POLB: variants seen among roughly 807,000 people sequenced by gnomAD.
POLB encodes the protein 5'-dRP lyase.
Under a neutral mutation model 52.7 loss-of-function variants are expected in POLB, and 37 were observed. That is an observed-to-expected ratio of 0.70 (90% CI 0.54 to 0.92). The LOEUF is 0.92. Ranked by LOEUF, POLB falls within the 40% of genes least tolerant of loss-of-function variation. The probability of loss-of-function intolerance (pLI) is 0.00; values close to 1 mark genes in which losing one functional copy is unlikely to be tolerated. For synonymous variants in POLB, 138 were observed against 131.3 expected, an observed-to-expected ratio of 1.05 and a Z score of -0.35; for missense variants, 313 against 400.8, an observed-to-expected ratio of 0.78 and a Z score of 1.87.
chr8:42,342,350 C>T, intron 2 of POLB: 1 of 1,505,782 alleles, frequency 6.6e-7, no homozygotes, highest in East Asian at 2.3e-5. Context: ...TATGTTGCAG[C>T]ATAATTTGTC....
intron 5 of POLB, among the ~76,000 whole-genome samples, chr8:42,352,205 A>G (rs1823014355): frequency 6.6e-6 from 1 of 152,232 alleles, no homozygotes; most frequent in Non-Finnish European, 1.5e-5. Context: ...CACCCAGGAA[A>G]GTATCTGACA....
intron 6 of POLB, among the ~76,000 whole-genome samples, chr8:42,354,783 C>G (rs750746393): frequency 1.3e-5 from 2 of 151,810 alleles, no homozygotes; most frequent in Non-Finnish European, 2.9e-5. Context: ...ACCTCATGAT[C>G]CTCCCACCTC....
chr8:42,365,113 A>G (rs139823602), intron 11 of POLB, among the ~76,000 whole-genome samples: 26 of 152,274 alleles, frequency 1.7e-4, no homozygotes, highest in Non-Finnish European at 3.2e-4. Flanking sequence ...ATAGATGGCC[A>G]ATAGATGGTA....
intron 10 of POLB, among the ~76,000 whole-genome samples, chr8:42,361,985 G>A (rs1038239305): frequency 4.6e-5 from 7 of 152,150 alleles, no homozygotes; most frequent in South Asian, 2.1e-4. Context: ...AGAGATGGCC[G>A]GGCACGGTGG....
intron 11 of POLB, among the ~76,000 whole-genome samples, chr8:42,364,804 G>A (rs1319754306): frequency 6.6e-6 from 1 of 152,196 alleles, no homozygotes; most frequent in Non-Finnish European, 1.5e-5. Context: ...GGGGGTAATA[G>A]GGAGTTCCTG....
chr8:42,350,219 G>A (rs980313744), intron 5 of POLB, among the ~76,000 whole-genome samples, 154 bp downstream of exon 5: 2 of 152,192 alleles, frequency 1.3e-5, no homozygotes, highest in Admixed American at 1.3e-4. Context: ...ATCTGAGGCC[G>A]ATTCTTCAGA....
At chr8:42,347,940 C>T (rs3136740) in intron 3 of POLB, among the ~76,000 whole-genome samples, 4,781 of 152,104 alleles carry the variant, frequency 0.031, 245 homozygotes, top group African/African-American at 0.11. Context: ...CTAAAAAGGA[C>T]AGGACATTTT....
intron 2 of POLB, among the ~76,000 whole-genome samples, chr8:42,343,345 A>AAAAAAATATAT (rs1554531633): frequency 3.0e-5 from 1 of 33,058 alleles, no homozygotes; most frequent in Non-Finnish European, 8.5e-5. Flanking sequence ...AAAAAAAAAA[A>AAAAAAATATAT]ATATATATAT....
rs752325408 is a variant in POLB at position 42,339,009 on chromosome 8, C to T, written c.62-3C>T. ...TTCACCCGAGCCTTCTGTTGCCTTT[C>T]AGAACTCGCAAACTTTGAGAAGAAC... On this transcript the variant is annotated splice_region_variant and splice_polypyrimidine_tract_variant and intron_variant, in intron 1 of 13. Coordinates refer to ENST00000265421, the MANE Select transcript of POLB (RefSeq NM_002690.3). The T allele has an allele frequency of 1.9e-4, 299 of 1,613,418 alleles. No individual in the cohort carries two copies. The highest frequency in any genetic ancestry group is 2.5e-4 in the Non-Finnish European group (292 of 1,179,440).
chr8:42,351,136 G>C (rs1456786396), intron 5 of POLB, among the ~76,000 whole-genome samples: 1 of 152,124 alleles, frequency 6.6e-6, no homozygotes, highest in Non-Finnish European at 1.5e-5. Context: ...AAGCCTCCCA[G>C]AGTGCTAGGA....
At position 42,371,651 on chromosome 8, in the gene POLB, C is replaced by T. The variant is rs200881222; in HGVS notation, c.1002C>T (p.Ser334=). ...AATACCGGGAACCCAAGGACCGGAGCGAATGAGGCCTGTATCCTCCCTGGC... is the reference window on the plus strand; with the variant it reads ...AATACCGGGAACCCAAGGACCGGAGTGAATGAGGCCTGTATCCTCCCTGGC... ...QWKYREPKDR[S]E is the part of the protein sequence containing the mutation. Residue 334 remains serine, a synonymous_variant, in exon 14 of 14, where the codon AGC becomes AGT. Coordinates refer to ENST00000265421, the MANE Select transcript of POLB (RefSeq NM_002690.3). The T allele has an allele frequency of 1.0e-5, 16 of 1,592,650 alleles. No homozygotes were observed. In the South Asian group the frequency reaches 1.3e-4, roughly 13 times the overall value.
rs547265298 is a variant in POLB at position 42,340,906 on chromosome 8, A to C, written c.119+1837A>C. On this transcript the variant is annotated intron_variant, in intron 2 of 13. Transcript: ENST00000265421. ...CAACTTTGTATTCTATTTGGATCAC[A>C]GCAGGTCTCAGAAAGGAGGTGTTTA... Among the ~76,000 whole-genome samples, 43 of 152,368 alleles carry C rather than the reference A, an allele frequency of 2.8e-4. No individual in the cohort carries two copies. The South Asian group carries it at 8.7e-3, about 31-fold the overall frequency.
intron 6 of POLB, 87 bp downstream of exon 6, chr8:42,352,655 C>G (rs1006595578): frequency 1.1e-5 from 9 of 809,882 alleles, no homozygotes; most frequent in African/African-American, 5.1e-5. Flanking sequence ...CTTGAAAAAC[C>G]CATTCTCAAT....
At chr8:42,361,205 A>G in intron 9 of POLB, 90 bp from the exon 10 acceptor site, 1 of 853,652 alleles carries the variant, frequency 1.2e-6, no homozygotes. Context: ...TGTAAGAAGT[A>G]AGGCTCTTCT....
intron 11 of POLB, among the ~76,000 whole-genome samples, chr8:42,365,492 A>C (rs542685751): frequency 2.0e-4 from 30 of 152,358 alleles, no homozygotes; most frequent in African/African-American, 7.2e-4. Flanking sequence ...ATATTCAGTC[A>C]GATAAAATCC....
intron 7 of POLB, 126 bp downstream of exon 7, chr8:42,355,693 C>G (rs374598159): frequency 8.1e-6 from 5 of 620,274 alleles, no homozygotes; most frequent in Non-Finnish European, 1.5e-5. Context: ...TTCAGAAGTG[C>G]TAAGATTTGT....
chr8:42,359,393 C>T (rs1823532465), intron 9 of POLB, among the ~76,000 whole-genome samples: 1 of 152,054 alleles, frequency 6.6e-6, no homozygotes, highest in African/African-American at 2.4e-5. Flanking sequence ...CCCTCTCTGT[C>T]ACCCAGGCTG....
chr8:42,347,128 T>A (rs374074257), intron 3 of POLB, among the ~76,000 whole-genome samples: 2 of 152,106 alleles, frequency 1.3e-5, no homozygotes, highest in African/African-American at 4.8e-5. Flanking sequence ...TATGGTATAT[T>A]CCTAAAAAGA....
chr8:42,350,127 G>T, intron 5 of POLB, 62 bp downstream of exon 5: 1 of 1,058,068 alleles, frequency 9.5e-7, no homozygotes. Context: ...GTTAGCCAAA[G>T]TAAATTACAT....
Sources: gnomAD v4.1 joint callset for allele counts (sites outside exome capture counted in the v4.1 genomes callset) on GRCh38, gnomAD v4.1.1 for gene constraint, MANE v1.5 for transcripts, NCBI Gene and HGNC (gene_info 2026-07-23, HGNC 2026-07-21) for gene names.